The following ZFAT variants were observed in gnomAD, a reference collection of about 807,000 sequenced individuals.
The protein encoded by ZFAT is zinc finger protein ZFAT.
ZFAT carries 64 observed loss-of-function variants against 117.7 expected under a neutral mutation model. The ratio of observed to expected loss-of-function variants is 0.54; its 90% confidence interval spans 0.44 to 0.67. The LOEUF is 0.67. Ranked by LOEUF, ZFAT falls within the 30% of genes least tolerant of loss-of-function variation. The pLI is 0.00. For missense variants in ZFAT, 1,433 were observed against 1,584.5 expected (o/e 0.90, Z 1.62); for synonymous variants, 679 against 615.0 (o/e 1.10, Z -1.54).
intron 1 of ZFAT, among the ~76,000 whole-genome samples, chr8:134,690,495 C>T (rs762003796): frequency 7.2e-5 from 11 of 152,248 alleles, no homozygotes; most frequent in South Asian, 2.1e-4. Context: ...TCCAAATGTC[C>T]GCTTTATGAA....
intron 3 of ZFAT, among the ~76,000 whole-genome samples, chr8:134,616,176 C>T (rs775931939): frequency 2.6e-5 from 4 of 152,196 alleles, no homozygotes; most frequent in Non-Finnish European, 5.9e-5. Context: ...CAGCCCTGAA[C>T]CCAGCTCTCT....
At chr8:134,732,153 A>T in the ZFAT span, among the ~76,000 whole-genome samples, 1 of 152,216 alleles carries the variant, frequency 6.6e-6, no homozygotes, top group African/African-American at 2.4e-5. Flanking sequence ...ATGAAATATT[A>T]TCCGGTTATC....
chr8:134,696,829 G>A (rs969509737), intron 1 of ZFAT, among the ~76,000 whole-genome samples: 3 of 152,202 alleles, frequency 2.0e-5, no homozygotes, highest in Admixed American at 2.0e-4. Context: ...GGCGAGAAGC[G>A]CCCAGCGTCT....
chr8:134,507,777 C>T lies in ZFAT; in HGVS notation c.3492+1842G>A, dbSNP rs972290346. 2.0e-5 allele frequency among the ~76,000 whole-genome samples: 3 copies of T among 152,142 alleles called. No homozygotes were observed. In the East Asian group the frequency reaches 5.8e-4, roughly 29 times the overall value. On this transcript the variant is annotated intron_variant, in intron 15 of 15. Transcript: ENST00000377838. Reference sequence around the variant, plus strand: ...ATCAATCTAGTTCTCAGAAACAAGACACAAGTCACAACCAGAAGCACCTTC... The same window carrying T: ...ATCAATCTAGTTCTCAGAAACAAGATACAAGTCACAACCAGAAGCACCTTC...
chr8:134,611,112 C>T (rs147183587), intron 3 of ZFAT, among the ~76,000 whole-genome samples: 12 of 152,336 alleles, frequency 7.9e-5, no homozygotes, highest in African/African-American at 2.6e-4. Flanking sequence ...CTCTTGAGGG[C>T]CCCACCGTGC....
chr8:134,810,143 A>T, the ZFAT span, among the ~76,000 whole-genome samples: 1 of 152,196 alleles, frequency 6.6e-6, no homozygotes, highest in Non-Finnish European at 1.5e-5. Flanking sequence ...TGATTCATAC[A>T]TACAATAATA....
chr8:134,761,705 A>G, the ZFAT span, among the ~76,000 whole-genome samples: 8 of 152,276 alleles, frequency 5.3e-5, no homozygotes, highest in East Asian at 1.5e-3. Context: ...TTTCAAAAAA[A>G]AAAAGTAAAA....
At chr8:134,800,653 C>T in the ZFAT span, 1 of 420,348 alleles carries the variant, frequency 2.4e-6, no homozygotes, top group Non-Finnish European at 5.0e-6. Context: ...CGGTTCTTTA[C>T]GTAAGACTCT....
chr8:134,690,882 G>A (rs1319361107), intron 1 of ZFAT, among the ~76,000 whole-genome samples: 2 of 152,222 alleles, frequency 1.3e-5, no homozygotes, highest in African/African-American at 2.4e-5. Flanking sequence ...CCTGACATCT[G>A]TCACTCACCA....
At chr8:134,567,450 ACCATCCATCCAT>A (rs35445440) in intron 10 of ZFAT, among the ~76,000 whole-genome samples, 28 of 145,650 alleles carry the variant, frequency 1.9e-4, no homozygotes, top group South Asian at 4.4e-4. Flanking sequence ...AACCCTACCA[ACCATCCATCCAT>A]CCATCCATCC....
At position 134,690,354 on chromosome 8, in the gene ZFAT, AT is replaced by A. The variant is rs1833531265; in HGVS notation, c.19+22490del. ...CAGGAGAGGCAGATGACGGACGAATATTTTCATTTATTATTGTCACAGGTTT... is the reference window on the plus strand; with the variant it reads ...CAGGAGAGGCAGATGACGGACGAATATTTCATTTATTATTGTCACAGGTTT... On this transcript the variant is annotated intron_variant, in intron 1 of 15. Transcript: ENST00000377838. Among the ~76,000 whole-genome samples, 4 of 152,214 alleles carry A rather than the reference AT, an allele frequency of 2.6e-5. No individual in the cohort carries two copies. The South Asian group carries it at 8.3e-4, about 32-fold the overall frequency.
At chr8:134,515,657 GT>G (rs1428215916) in intron 13 of ZFAT, among the ~76,000 whole-genome samples, 2 of 152,090 alleles carry the variant, frequency 1.3e-5, no homozygotes, top group African/African-American at 4.8e-5. Context: ...TGATGGGGTT[GT>G]TTTTTTCTTG....
At chr8:134,480,070 T>C (rs11774853) in intron 15 of ZFAT, among the ~76,000 whole-genome samples, 15,015 of 150,484 alleles carry the variant, frequency 0.1, 981 homozygotes, top group East Asian at 0.31. Flanking sequence ...CAAGCCATCC[T>C]CCTGCCTCAG....
chr8:134,801,191 C>T, the ZFAT span, among the ~76,000 whole-genome samples: 1 of 152,108 alleles, frequency 6.6e-6, no homozygotes, highest in African/African-American at 2.4e-5. Flanking sequence ...TCTTCTCCCC[C>T]ACATTCAGAA....
At chr8:134,787,096 G>A in the ZFAT span, among the ~76,000 whole-genome samples, 1 of 152,114 alleles carries the variant, frequency 6.6e-6, no homozygotes, top group African/African-American at 2.4e-5. Flanking sequence ...CTATCCTCAT[G>A]CCTCAGCCTC....
At chr8:134,747,868 C>G in the ZFAT span, among the ~76,000 whole-genome samples, 1 of 152,172 alleles carries the variant, frequency 6.6e-6, no homozygotes, top group Non-Finnish European at 1.5e-5. Context: ...CATCTCTGGT[C>G]TCTGGGCTGG....
At position 134,601,594 on chromosome 8, in the gene ZFAT, G is replaced by A. The variant is rs200943503; in HGVS notation, c.2125C>T (p.Arg709Trp). 7.7e-5 allele frequency: 125 copies of A among 1,614,212 alleles called. No homozygotes were observed. Among genetic ancestry groups the A allele is most frequent in the Middle Eastern group, 6.6e-4 (4 of 6,062 alleles). ...TTCATGAAAGCGGTGATGCCTGACC[G>A]GTGCTCAGGGGCAGCTTTGCAAGAG... ...PDSCKAAPEH[R>W]SGITAFMKVL... The change falls in exon 6 of 16, where the codon CGG (arginine) becomes TGG (tryptophan). Residue 709 changes from arginine (R) to tryptophan (W), a missense_variant. Around this residue, in one of 5 missense-constraint regions of ZFAT, gnomAD observed 372 missense variants for 355.6 expected, o/e 1.05. Transcript: ENST00000377838.
intron 3 of ZFAT, among the ~76,000 whole-genome samples, chr8:134,624,815 G>A (rs1307930729): frequency 6.6e-6 from 1 of 152,174 alleles, no homozygotes; most frequent in Non-Finnish European, 1.5e-5. Flanking sequence ...CAACTAAAGA[G>A]TTTAATGTAA....
At chr8:134,500,639 A>G (rs369697021) in intron 15 of ZFAT, among the ~76,000 whole-genome samples, 61 of 152,234 alleles carry the variant, frequency 4.0e-4, no homozygotes, top group African/African-American at 1.4e-3. Context: ...AGTAGCAGCC[A>G]TCCAAAGTCA....
Sources: allele counts gnomAD v4.1 joint callset (sites outside exome capture counted in the v4.1 genomes callset), GRCh38; gene constraint gnomAD v4.1.1; regional missense constraint gnomAD v4.1.1; transcripts MANE v1.5; gene names NCBI Gene and HGNC (gene_info 2026-07-23, HGNC 2026-07-21).